ATP8B4: variants seen among roughly 807,000 people sequenced by gnomAD.
ATP8B4 encodes ATPase phospholipid transporting 8B4 (putative), also known as probable phospholipid-transporting ATPase IM.
A neutral mutation model predicts 145.6 loss-of-function variants in ATP8B4; 133 were observed. The observed-to-expected ratio is 0.91, with a 90% CI of 0.79 to 1.05. The LOEUF (loss-of-function observed/expected upper bound fraction) is 1.05, where lower values mean the gene tolerates loss of function less well. ATP8B4 is among the 50% of genes least tolerant of loss of function. The probability of loss-of-function intolerance (pLI) is 0.00; values close to 1 mark genes in which losing one functional copy is unlikely to be tolerated. For synonymous variants in ATP8B4, 507 were observed against 492.9 expected (o/e 1.03, Z -0.38); for missense variants, 1,458 against 1,425.2 (o/e 1.02, Z -0.37).
intron 21 of ATP8B4, 134 bp from the exon 22 acceptor site, chr15:49,898,385 T>C: frequency 1.0e-6 from 1 of 967,766 alleles, no homozygotes; most frequent in African/African-American, 1.6e-5. Context: ...AAAAAGTCAT[T>C]GTTGATTCAG....
At chr15:50,073,004 A>G (rs1206514875) in intron 3 of ATP8B4, among the ~76,000 whole-genome samples, 1 of 53,412 alleles carries the variant, frequency 1.9e-5, no homozygotes, top group African/African-American at 1.0e-4. Context: ...ATATATATAT[A>G]TATATATATA....
At chr15:50,051,363 T>C (rs369781697) in intron 3 of ATP8B4, among the ~76,000 whole-genome samples, 1 of 152,194 alleles carries the variant, frequency 6.6e-6, no homozygotes, top group East Asian at 1.9e-4. Flanking sequence ...GTCTCAGGTA[T>C]GTCTTTATTA....
chr15:50,038,782 C>T lies in ATP8B4; in HGVS notation c.348G>A (p.Val116=), dbSNP rs150442623. ...GTATTTCTTACTTGCTGTTGATGAGCACTTCAGACTGCCGATTATTCACTT... is the reference window on the plus strand; with the variant it reads ...GTATTTCTTACTTGCTGTTGATGAGTACTTCAGACTGCCGATTATTCACTT... The part of the protein sequence containing the change: ...DNQVNNRQSE[V]LINSKLQNEK... The change falls in exon 6 of 28, where the codon GTG becomes GTA. Residue 116 remains valine, a synonymous_variant. Transcript: ENST00000284509. 2.9e-3 allele frequency: 4,683 copies of T among 1,613,136 alleles called. 18 individuals carry two copies. The highest frequency in any genetic ancestry group is 3.2e-3 in the Non-Finnish European group (3,776 of 1,179,262).
chr15:49,879,558 G>A (rs1423132898), intron 23 of ATP8B4, 99 bp from the exon 24 acceptor site: 4 of 1,022,554 alleles, frequency 3.9e-6, no homozygotes, highest in Non-Finnish European at 5.7e-6. Context: ...GTGGGTGGGA[G>A]TTGACTTTTG....
chr15:50,085,908 TATTTATATATGATATATATC>T (rs2054914599), intron 2 of ATP8B4, among the ~76,000 whole-genome samples: 1 of 104,594 alleles, frequency 9.6e-6, no homozygotes, highest in Non-Finnish European at 1.8e-5. Flanking sequence ...ATATCATATA[TATTTATATATGATATATATC>T]ATATATATTT....
chr15:50,092,767 G>T (rs990331907), intron 2 of ATP8B4, among the ~76,000 whole-genome samples: 2 of 151,892 alleles, frequency 1.3e-5, no homozygotes, highest in Admixed American at 1.3e-4. Context: ...CCCCATTGAG[G>T]AGAACAGAGA....
At position 49,987,480 on chromosome 15, in the gene ATP8B4, C is replaced by T. The variant is rs1406392616; in HGVS notation, c.659G>A (p.Ser220Asn). 2 of 1,613,652 alleles carry T rather than the reference C, an allele frequency of 1.2e-6. No homozygotes were observed. Among genetic ancestry groups the T allele is most frequent in the Admixed American group, 1.7e-5 (1 of 59,986 alleles). The change falls in exon 10 of 28, where the codon AGC (serine) becomes AAC (asparagine). Residue 220 changes from serine to asparagine, a missense_variant. By Grantham distance (46) the Ser-to-Asn change is conservative (BLOSUM62 1). Coordinates refer to ENST00000284509, the MANE Select transcript of ATP8B4 (RefSeq NM_024837.4). ...CTTCTCATTGTTGAGGGAATGCTTG[C>T]TGTCTTTCCAAGAAAGGATTCCCAT... Reference protein sequence around the residue: ...KFMGILSWKDSKHSLNNEKII... With the variant: ...KFMGILSWKDNKHSLNNEKII...
upstream of ATP8B4, among the ~76,000 whole-genome samples, chr15:50,119,772 T>C (rs2057246298): frequency 2.0e-5 from 3 of 148,622 alleles, no homozygotes; most frequent in South Asian, 6.4e-4. Flanking sequence ...TTTTTTTTTT[T>C]TTTTTTTACA....
At chr15:49,907,902 T>A in intron 20 of ATP8B4, 1 of 370,304 alleles carries the variant, frequency 2.7e-6, no homozygotes, top group South Asian at 2.1e-5. Flanking sequence ...AACAACTATA[T>A]TTTTAGGTTA....
intron 6 of ATP8B4, among the ~76,000 whole-genome samples, chr15:50,027,094 C>T (rs1006838353): frequency 6.6e-6 from 1 of 152,128 alleles, no homozygotes; most frequent in Non-Finnish European, 1.5e-5. Context: ...CCAATTCTAT[C>T]AAGGGTTATT....
intron 2 of ATP8B4, among the ~76,000 whole-genome samples, chr15:50,075,192 G>A (rs938562669): frequency 2.6e-5 from 4 of 152,066 alleles, no homozygotes; most frequent in African/African-American, 9.7e-5. Flanking sequence ...TTGGAGACAC[G>A]TGTTGGGGAT....
At chr15:50,128,085 C>T (rs944134456) in intron 1 of ATP8B4, among the ~76,000 whole-genome samples, 3 of 152,120 alleles carry the variant, frequency 2.0e-5, no homozygotes, top group African/African-American at 7.2e-5. Context: ...GCCAGTGTTT[C>T]GTTTTGTATC....
intron 1 of ATP8B4, among the ~76,000 whole-genome samples, chr15:50,165,029 C>G (rs115978270): frequency 0.013 from 2,032 of 152,184 alleles, 48 homozygotes; most frequent in African/African-American, 0.047. Context: ...TTCCTACCCT[C>G]TTCAATACCT....
chr15:49,868,783 T>C (rs74014168), intron 25 of ATP8B4, among the ~76,000 whole-genome samples: 4 of 152,156 alleles, frequency 2.6e-5, no homozygotes, highest in Non-Finnish European at 4.4e-5. Flanking sequence ...TGATGAAGGA[T>C]AGAATTTCAT....
At chr15:50,146,399 A>T (rs1279834311) in intron 1 of ATP8B4, among the ~76,000 whole-genome samples, 1 of 152,254 alleles carries the variant, frequency 6.6e-6, no homozygotes, top group East Asian at 1.9e-4. Flanking sequence ...AGCATGTATC[A>T]TATAAAAAAT....
intron 14 of ATP8B4, among the ~76,000 whole-genome samples, chr15:49,937,267 G>T (rs1025122132): frequency 6.6e-6 from 1 of 152,166 alleles, no homozygotes; most frequent in African/African-American, 2.4e-5. Context: ...GAATGAGAGA[G>T]AAGGTGGTCC....
intron 26 of ATP8B4, among the ~76,000 whole-genome samples, chr15:49,862,772 G>T (rs1484141850): frequency 6.6e-6 from 1 of 152,034 alleles, no homozygotes; most frequent in Non-Finnish European, 1.5e-5. Flanking sequence ...TTTTTCAATG[G>T]TGAGATTTGG....
At chr15:49,940,547 T>C (rs2042087633) in intron 14 of ATP8B4, among the ~76,000 whole-genome samples, 1 of 152,068 alleles carries the variant, frequency 6.6e-6, no homozygotes, top group African/African-American at 2.4e-5. Flanking sequence ...TGAATCTAAA[T>C]TGAAGTTGAA....
At chr15:49,903,631 T>C (rs1198113704) in intron 20 of ATP8B4, among the ~76,000 whole-genome samples, 1 of 152,212 alleles carries the variant, frequency 6.6e-6, no homozygotes, top group Non-Finnish European at 1.5e-5. Context: ...CAGTGGTTCA[T>C]GCCTGTAATC....
Sources: allele counts gnomAD v4.1 joint callset (sites outside exome capture counted in the v4.1 genomes callset), GRCh38; gene constraint gnomAD v4.1.1; transcripts MANE v1.5; gene names NCBI Gene and HGNC (gene_info 2026-07-23, HGNC 2026-07-21).